Variants in ARL15 observed in about 807,000 individuals in gnomAD.
The protein encoded by ARL15 is ARF like GTPase 15.
In ARL15, 19 loss-of-function variants were observed where a neutral mutation model predicts 25.2. The observed-to-expected ratio is 0.75, with a 90% CI of 0.53 to 1.10. The LOEUF (loss-of-function observed/expected upper bound fraction) is 1.10, where lower values mean the gene tolerates loss of function less well. Among genes scored for constraint, ARL15 ranks in the 50% least tolerant of loss-of-function variants. ARL15 has a pLI of 0.00. For synonymous variants in ARL15, 94 were observed against 86.8 expected (o/e 1.08, Z -0.46); for missense variants, 220 against 246.0 (o/e 0.89, Z 0.71).
intron 1 of ARL15, among the ~76,000 whole-genome samples, chr5:54,275,971 G>C (rs1579974494): frequency 6.6e-6 from 1 of 151,274 alleles, no homozygotes; most frequent in African/African-American, 2.4e-5. Flanking sequence ...ACAGATTCTT[G>C]CTATGTTGCC....
At chr5:53,919,516 A>G (rs1745775538) in intron 4 of ARL15, among the ~76,000 whole-genome samples, 1 of 152,214 alleles carries the variant, frequency 6.6e-6, no homozygotes, top group Non-Finnish European at 1.5e-5. Flanking sequence ...TCTATAAACA[A>G]TAATACAAGT....
chr5:54,172,195 T>A (rs911444923), intron 1 of ARL15, among the ~76,000 whole-genome samples: 2 of 152,180 alleles, frequency 1.3e-5, no homozygotes, highest in South Asian at 2.1e-4. Flanking sequence ...CATGACATCA[T>A]CCCACAGCTT....
chr5:53,908,962 T>C lies in ARL15; in HGVS notation c.463-22249A>G, dbSNP rs552260288. 1.6e-4 allele frequency among the ~76,000 whole-genome samples: 24 copies of C among 152,320 alleles called. No individual in the cohort carries two copies. The South Asian group carries it at 5.0e-3, about 32-fold the overall frequency. On this transcript the variant is annotated intron_variant, in intron 4 of 4. Transcript: ENST00000504924. ...TCATTTGAAAAATACATGCTTATCA[T>C]ATCCCATCAAGTTTGGTCCTGTTCA...
intron 3 of ARL15, among the ~76,000 whole-genome samples, chr5:54,145,099 G>A (rs1183148511): frequency 6.6e-6 from 1 of 151,370 alleles, no homozygotes; most frequent in African/African-American, 2.4e-5. Flanking sequence ...TCATAAAATA[G>A]AATTTTGGCT....
intron 4 of ARL15, among the ~76,000 whole-genome samples, chr5:54,014,824 G>C (rs1270529301): frequency 6.6e-6 from 1 of 151,888 alleles, no homozygotes; most frequent in East Asian, 1.9e-4. Context: ...AAGCTTCTGA[G>C]CTCCTGAACC....
rs531127723 is a variant in ARL15, at chr5:54,198,432, A to G, written c.49-26504T>C. On this transcript the variant is annotated intron_variant, in intron 1 of 4. Coordinates refer to ENST00000504924, the MANE Select transcript of ARL15 (RefSeq NM_019087.3). ...AGCCCAAAATCTCCTTAAGCTGATAAGCAACTTCACCAAAGTCTCAGGATA... is the reference window on the plus strand; with the variant it reads ...AGCCCAAAATCTCCTTAAGCTGATAGGCAACTTCACCAAAGTCTCAGGATA... Among the ~76,000 whole-genome samples, 4 of 151,890 alleles carry G rather than the reference A, an allele frequency of 2.6e-5. No individual in the cohort carries two copies. In the South Asian group the frequency reaches 8.3e-4, roughly 32 times the overall value.
chr5:54,292,561 T>G (rs1011324495), intron 1 of ARL15, among the ~76,000 whole-genome samples: 9 of 152,198 alleles, frequency 5.9e-5, no homozygotes, highest in African/African-American at 2.2e-4. Context: ...ACAGTTTGCA[T>G]TTCTGAGGGC....
intron 4 of ARL15, among the ~76,000 whole-genome samples, chr5:53,901,710 G>C (rs1389697895): frequency 6.6e-6 from 1 of 152,112 alleles, no homozygotes; most frequent in African/African-American, 2.4e-5. Flanking sequence ...CAAAGTGCAG[G>C]TTGAAGATAT....
intron 4 of ARL15, among the ~76,000 whole-genome samples, chr5:54,062,517 G>GAAAAAA (rs71577097): frequency 2.6e-4 from 29 of 113,478 alleles, no homozygotes; most frequent in South Asian, 6.0e-4. Flanking sequence ...GGTGGTTAAG[G>GAAAAAA]AAAAAAAAAA....
chr5:53,935,601 T>A (rs1019868908), intron 4 of ARL15, among the ~76,000 whole-genome samples: 27 of 152,344 alleles, frequency 1.8e-4, no homozygotes, highest in Admixed American at 1.1e-3. Context: ...CTTTGAAATG[T>A]ACTTCAAGGT....
intron 4 of ARL15, among the ~76,000 whole-genome samples, chr5:54,041,867 T>G (rs1038678787): frequency 6.6e-6 from 1 of 152,186 alleles, no homozygotes; most frequent in Non-Finnish European, 1.5e-5. Flanking sequence ...TATGTAGCTA[T>G]GTATAAATAT....
intron 1 of ARL15, among the ~76,000 whole-genome samples, chr5:54,308,119 C>A (rs562645787): frequency 6.6e-6 from 1 of 152,118 alleles, no homozygotes; most frequent in Non-Finnish European, 1.5e-5. Context: ...ATGTGTGGCA[C>A]ATCATTTTCT....
At chr5:54,211,884 T>C (rs1756053146) in intron 1 of ARL15, among the ~76,000 whole-genome samples, 1 of 152,194 alleles carries the variant, frequency 6.6e-6, no homozygotes, top group South Asian at 2.1e-4. Context: ...AATATGCTTA[T>C]CTGGAGCACA....
intron 1 of ARL15, among the ~76,000 whole-genome samples, chr5:54,238,193 G>T (rs1756861334): frequency 2.6e-5 from 4 of 152,096 alleles, no homozygotes; most frequent in Admixed American, 2.6e-4. Flanking sequence ...AAACGAGGGA[G>T]CAACCCAGTC....
chr5:54,167,151 C>T (rs77278009), intron 2 of ARL15, among the ~76,000 whole-genome samples: 2 of 152,172 alleles, frequency 1.3e-5, no homozygotes, highest in African/African-American at 4.8e-5. Flanking sequence ...CCACTGTTCC[C>T]TCTAGTCCTT....
intron 4 of ARL15, among the ~76,000 whole-genome samples, chr5:54,091,116 G>A (rs755206667): frequency 2.2e-4 from 33 of 152,058 alleles, no homozygotes; most frequent in Non-Finnish European, 7.3e-5. Context: ...ATCAGACCAT[G>A]GGGAAAATCT....
chr5:53,952,340 T>C (rs887482042), intron 4 of ARL15, among the ~76,000 whole-genome samples: 4 of 152,190 alleles, frequency 2.6e-5, no homozygotes, highest in African/African-American at 9.7e-5. Flanking sequence ...GTTTTTTATG[T>C]TTAAACTTTT....
chr5:54,167,715 T>C (rs938249781), intron 2 of ARL15, among the ~76,000 whole-genome samples: 7 of 152,166 alleles, frequency 4.6e-5, no homozygotes, highest in African/African-American at 1.2e-4. Flanking sequence ...CCTTTTCTTA[T>C]AGAAACAAAT....
At chr5:53,888,249 TTTC>T (rs986046227) in intron 4 of ARL15, among the ~76,000 whole-genome samples, 11 of 150,404 alleles carry the variant, frequency 7.3e-5, no homozygotes, top group African/African-American at 1.4e-4. Flanking sequence ...TGTTGTTGTT[TTTC>T]TTTTTTTGTT....
Sources: gnomAD v4.1 joint callset for allele counts (sites outside exome capture counted in the v4.1 genomes callset) on GRCh38, gnomAD v4.1.1 for gene constraint, MANE v1.5 for transcripts, NCBI Gene and HGNC (gene_info 2026-07-23, HGNC 2026-07-21) for gene names.